Variants in DNAJA3 observed in about 807,000 individuals in gnomAD.
DNAJA3 encodes the protein dnaJ homolog subfamily A member 3, mitochondrial.
In DNAJA3, 29 loss-of-function variants were observed where a neutral mutation model predicts 54.9. The observed-to-expected ratio is 0.53, with a 90% confidence interval of 0.39 to 0.72. The LOEUF is 0.72. DNAJA3 is among the 30% of genes least tolerant of loss of function. DNAJA3 has a pLI of 0.00. For synonymous variants in DNAJA3, 302 were observed against 251.4 expected (o/e 1.20, Z -1.90); for missense variants, 708 against 639.4 (o/e 1.11, Z -1.16).
chr16:4,447,105 T>C, intron 8 of DNAJA3, 91 bp downstream of exon 8: 1 of 1,483,052 alleles, frequency 6.7e-7, no homozygotes, highest in Admixed American at 2.2e-5. Flanking sequence ...CTGGAACCCA[T>C]GAGTGACCAG....
intron 5 of DNAJA3, chr16:4,442,762 T>C (rs1160705045): frequency 7.0e-6 from 4 of 574,570 alleles, no homozygotes; most frequent in Non-Finnish European, 1.2e-5. Context: ...CAGGTACTTC[T>C]GTAGACAGGC....
rs575064576 is a variant in DNAJA3 at position 4,434,636 on chromosome 16, T to C, written c.345+119T>C. 3.5e-5 allele frequency: 42 copies of C among 1,208,936 alleles called. No individual in the cohort carries two copies. The Admixed American group carries it at 9.7e-4, about 28-fold the overall frequency. 74.9% of individuals were successfully genotyped at this position (1,208,936 alleles called of 1,614,324 possible). On this transcript the variant is annotated intron_variant, in intron 2 of 11. Transcript: ENST00000262375. ...GAATAGGTCTCATGAGCTGATAGTA[T>C]AGAAGGGTGTGATAAAGCTGGACTT...
chr16:4,438,987 C>T (rs1168547304), intron 3 of DNAJA3, among the ~76,000 whole-genome samples: 2 of 151,650 alleles, frequency 1.3e-5, no homozygotes, highest in Non-Finnish European at 2.9e-5. Flanking sequence ...CATAACTAAA[C>T]AGTCTTGGAA....
intron 3 of DNAJA3, 107 bp from the exon 4 acceptor site, chr16:4,441,268 G>C: frequency 9.5e-7 from 1 of 1,049,338 alleles, no homozygotes; most frequent in Non-Finnish European, 1.4e-6. Context: ...TTTGCACACA[G>C]GGCCACTTAA....
chr16:4,438,353 C>T lies in DNAJA3; in HGVS notation c.429+868C>T, dbSNP rs960110152. Among the ~76,000 whole-genome samples the T allele has an allele frequency of 5.9e-5, 9 of 152,074 alleles. No individual in the cohort carries two copies. The Middle Eastern group carries it at 0.02, about 345-fold the overall frequency. On this transcript the variant is annotated intron_variant, in intron 3 of 11. Coordinates refer to ENST00000262375, the MANE Select transcript of DNAJA3 (RefSeq NM_005147.6). Reference sequence around the variant, plus strand: ...AAAGAACAGGATCCAATAATCTGTACTAATAAAGTTCCCCAGGTAATTTAC... The same window carrying T: ...AAAGAACAGGATCCAATAATCTGTATTAATAAAGTTCCCCAGGTAATTTAC...
chr16:4,439,849 A>G (rs1295909079), intron 3 of DNAJA3, among the ~76,000 whole-genome samples: 1 of 151,668 alleles, frequency 6.6e-6, no homozygotes, highest in Non-Finnish European at 1.5e-5. Flanking sequence ...GCTGTCCTCC[A>G]CCTGCTTTCT....
intron 4 of DNAJA3, 66 bp from the exon 5 acceptor site, chr16:4,442,202 T>A: frequency 6.7e-7 from 1 of 1,499,168 alleles, no homozygotes; most frequent in Middle Eastern, 1.8e-4. Flanking sequence ...CCTTTCCCTT[T>A]AGAGCCGAGC....
intron 1 of DNAJA3, among the ~76,000 whole-genome samples, chr16:4,429,414 G>A (rs2056665667): frequency 6.6e-6 from 1 of 151,804 alleles, no homozygotes; most frequent in African/African-American, 2.4e-5. Context: ...AGCAGATACT[G>A]GATTTCACCA....
intron 1 of DNAJA3, among the ~76,000 whole-genome samples, chr16:4,428,452 T>C (rs1054753533): frequency 7.9e-5 from 12 of 152,228 alleles, no homozygotes; most frequent in Non-Finnish European, 1.2e-4. Context: ...TTAAATAGAA[T>C]CTGGCTGCAT....
rs539867539 is a variant in DNAJA3 at position 4,432,697 on chromosome 16, G to A, written c.212-1687G>A. Among the ~76,000 whole-genome samples, 12 of 152,226 alleles carry A rather than the reference G, an allele frequency of 7.9e-5. 1 individual carries two copies. Among genetic ancestry groups the A allele is most frequent in the African/African-American group, 2.4e-4 (10 of 41,552 alleles). ...CTATTAAAACACCTCCAGTCTGGGC[G>A]TGGTGGCACACGCCTGTAGTCCCAG... On this transcript the variant is annotated intron_variant, in intron 1 of 11. Coordinates refer to ENST00000262375, the MANE Select transcript of DNAJA3 (RefSeq NM_005147.6).
intron 1 of DNAJA3, among the ~76,000 whole-genome samples, chr16:4,426,538 G>A (rs941420277): frequency 6.6e-6 from 1 of 152,194 alleles, no homozygotes; most frequent in Non-Finnish European, 1.5e-5. Flanking sequence ...CGGAGGAATC[G>A]ACCAGCCCAA....
chr16:4,448,960 C>T, intron 9 of DNAJA3, 112 bp downstream of exon 9: 1 of 728,728 alleles, frequency 1.4e-6, no homozygotes, highest in South Asian at 1.6e-5. Flanking sequence ...TGGTTCCTGC[C>T]CGAGTTATCT....
intron 8 of DNAJA3, chr16:4,447,288 A>T (rs1243642082): frequency 7.0e-6 from 3 of 429,860 alleles, no homozygotes; most frequent in African/African-American, 6.1e-5. Context: ...AGGACACAGA[A>T]GGGTTCACCC....
intron 1 of DNAJA3, among the ~76,000 whole-genome samples, chr16:4,429,462 C>T (rs2056666570): frequency 6.6e-6 from 1 of 151,898 alleles, no homozygotes; most frequent in Admixed American, 6.6e-5. Context: ...TACCCATGAT[C>T]TGTCCACCTC....
chr16:4,427,847 TG>T (rs2056644357), intron 1 of DNAJA3, among the ~76,000 whole-genome samples: 1 of 151,982 alleles, frequency 6.6e-6, no homozygotes, highest in Admixed American at 6.6e-5. Flanking sequence ...TTTCTGTAGA[TG>T]GGGTTTCACC....
chr16:4,429,310 G>A (rs745793692), intron 1 of DNAJA3, among the ~76,000 whole-genome samples: 8 of 151,944 alleles, frequency 5.3e-5, no homozygotes, highest in East Asian at 1.9e-4. Flanking sequence ...CGCATCCTCC[G>A]CTTCCTGGGT....
rs1268091470 is a variant in DNAJA3 at position 4,456,708 on chromosome 16, G to T, written c.*1176G>T. Reference sequence around the variant, plus strand: ...AAGCATCTATTAGTGTCTGATTTAGGAATGTAAAATGATTCTGTATTAATG... The same window carrying T: ...AAGCATCTATTAGTGTCTGATTTAGTAATGTAAAATGATTCTGTATTAATG... On this transcript the variant is annotated 3_prime_UTR_variant, in exon 12 of 12. Coordinates refer to ENST00000262375, the MANE Select transcript of DNAJA3 (RefSeq NM_005147.6). 1 of 152,580 alleles carries T rather than the reference G, an allele frequency of 6.6e-6. No homozygotes were observed. Among genetic ancestry groups the T allele is most frequent in the African/African-American group, 2.4e-5 (1 of 41,432 alleles). The allele number at this position is 152,580 out of a possible 1,614,324, so 9.5% of individuals were successfully genotyped here.
At chr16:4,426,628 G>A (rs1423239921) in intron 1 of DNAJA3, among the ~76,000 whole-genome samples, 1 of 152,242 alleles carries the variant, frequency 6.6e-6, no homozygotes, top group East Asian at 1.9e-4. Flanking sequence ...ACCACGTGGT[G>A]CTAATTGAAG....
At chr16:4,448,023 C>CTTTTTTTTTTTTT (rs71402537) in intron 8 of DNAJA3, 1 of 72,682 alleles carries the variant, frequency 1.4e-5, no homozygotes, top group Non-Finnish European at 2.4e-5. Context: ...AGTGGCAGTT[C>CTTTTTTTTTTTTT]TTTTTTTTTT....
Sources: gnomAD v4.1 joint callset for allele counts (sites outside exome capture counted in the v4.1 genomes callset) on GRCh38, gnomAD v4.1.1 for gene constraint, MANE v1.5 for transcripts, NCBI Gene and HGNC (gene_info 2026-07-23, HGNC 2026-07-21) for gene names.